Variants in MIPEP observed in about 807,000 individuals in gnomAD.
The protein encoded by MIPEP is mitochondrial intermediate peptidase.
Under a neutral mutation model 90.3 loss-of-function variants are expected in MIPEP, and 79 were observed. The observed-to-expected ratio is 0.87, with a 90% confidence interval of 0.73 to 1.05. The LOEUF is 1.05. MIPEP is among the 50% of genes least tolerant of loss of function. The probability of loss-of-function intolerance (pLI) is 0.00; values close to 1 mark genes in which losing one functional copy is unlikely to be tolerated. For synonymous variants in MIPEP, 334 were observed against 315.8 expected, an observed-to-expected ratio of 1.06 and a Z score of -0.61; for missense variants, 940 against 905.6, an observed-to-expected ratio of 1.04 and a Z score of -0.49.
At chr13:23,795,015 C>T (rs998331605) in intron 16 of MIPEP, among the ~76,000 whole-genome samples, 33 of 152,070 alleles carry the variant, frequency 2.2e-4, no homozygotes, top group African/African-American at 7.7e-4. Context: ...TAGATATGCA[C>T]CATATGGTCT....
At chr13:23,736,535 ATTCTG>A (rs1356802200) in intron 18 of MIPEP, among the ~76,000 whole-genome samples, 1 of 152,196 alleles carries the variant, frequency 6.6e-6, no homozygotes, top group African/African-American at 2.4e-5. Context: ...TAGGGTAATT[ATTCTG>A]GCCTGACTAA....
At chr13:23,874,958 AC>A in intron 4 of MIPEP, 49 bp from the exon 5 acceptor site, 1 of 1,530,354 alleles carries the variant, frequency 6.5e-7, no homozygotes. Context: ...AAAATTGCTA[AC>A]AAAAAAATTG....
intron 14 of MIPEP, among the ~76,000 whole-genome samples, chr13:23,828,994 C>T (rs1340891906): frequency 6.6e-6 from 1 of 152,156 alleles, no homozygotes; most frequent in Non-Finnish European, 1.5e-5. Context: ...GATATTAGGA[C>T]AGACAGCTTA....
chr13:23,835,024 CTTT>C (rs57093490), intron 14 of MIPEP, among the ~76,000 whole-genome samples: 2 of 134,802 alleles, frequency 1.5e-5, no homozygotes, highest in Non-Finnish European at 3.1e-5. Context: ...ATCCATTATT[CTTT>C]TTTTTTTTTT....
intron 16 of MIPEP, among the ~76,000 whole-genome samples, chr13:23,778,622 C>T (rs1207789517): frequency 6.6e-6 from 1 of 152,090 alleles, no homozygotes; most frequent in African/African-American, 2.4e-5. Context: ...CTATGTGCAA[C>T]TGATTTTATT....
chr13:23,835,222 T>C (rs564602878), intron 14 of MIPEP, among the ~76,000 whole-genome samples: 50 of 152,098 alleles, frequency 3.3e-4, no homozygotes, highest in Middle Eastern at 3.4e-3. Context: ...GGTTTCACAA[T>C]GTAGCCCAGG....
intron 18 of MIPEP, among the ~76,000 whole-genome samples, chr13:23,739,305 G>GC (rs1456962634): frequency 6.6e-6 from 1 of 152,234 alleles, no homozygotes; most frequent in African/African-American, 2.4e-5. Context: ...ACTTGCTCAA[G>GC]AAGTCTCCCA....
chr13:23,881,729 G>A lies in MIPEP; in HGVS notation c.422C>T (p.Ala141Val), dbSNP rs764333751. The A allele has an allele frequency of 5.0e-6, 8 of 1,614,050 alleles. No individual in the cohort carries two copies. Among genetic ancestry groups the A allele is most frequent in the South Asian group, 2.2e-5 (2 of 91,024 alleles). ...TACCATGGTGCCAATACTTCTACAA[G>A]CTTCTTCCGCAGCTTCTCTGAATGC... ...EPAFREAAEE[A>V]CRSIGTMVEK... The change falls in exon 3 of 19, where the codon GCT becomes GTT. Residue 141 changes from alanine to valine, a missense_variant. Coordinates refer to ENST00000382172, the MANE Select transcript of MIPEP (RefSeq NM_005932.4).
intron 9 of MIPEP, among the ~76,000 whole-genome samples, chr13:23,859,558 A>T (rs1391781523): frequency 6.6e-6 from 1 of 152,192 alleles, no homozygotes; most frequent in African/African-American, 2.4e-5. Flanking sequence ...CTGTGAAGAC[A>T]GACTGCCTGG....
chr13:23,772,293 C>T lies in MIPEP; in HGVS notation c.1849-12076G>A, dbSNP rs985920757. On this transcript the variant is annotated intron_variant, in intron 16 of 18. Coordinates refer to ENST00000382172, the MANE Select transcript of MIPEP (RefSeq NM_005932.4). ...TGAAGAATTTCCAAAATTCCTGATG[C>T]AAGAGTTTTTAGCAATTTTTTTTTA... 2.8e-5 allele frequency among the ~76,000 whole-genome samples: 4 copies of T among 142,272 alleles called. No homozygotes were observed. The Admixed American group carries it at 3.1e-4, about 11-fold the overall frequency. 93.3% of individuals were successfully genotyped at this position (142,272 alleles called of 152,430 possible). A position where few individuals can be genotyped will look rare whatever the true frequency, so the allele number is the denominator to read the frequency against.
chr13:23,785,504 T>C (rs963586655), intron 16 of MIPEP, among the ~76,000 whole-genome samples: 3 of 150,860 alleles, frequency 2.0e-5, no homozygotes, highest in Non-Finnish European at 4.4e-5. Context: ...AGGGAAAGCA[T>C]TAGGAGATAT....
At chr13:23,827,857 G>T (rs912476561) in intron 14 of MIPEP, among the ~76,000 whole-genome samples, 5 of 152,162 alleles carry the variant, frequency 3.3e-5, no homozygotes, top group African/African-American at 4.8e-5. Flanking sequence ...CTTGAACCCA[G>T]GAGGTGGAAG....
chr13:23,763,548 T>C (rs1593139925), intron 16 of MIPEP, among the ~76,000 whole-genome samples: 2 of 152,280 alleles, frequency 1.3e-5, no homozygotes, highest in African/African-American at 4.8e-5. Context: ...CCCACTTCAA[T>C]AGTGGCATTT....
intron 14 of MIPEP, among the ~76,000 whole-genome samples, chr13:23,835,139 G>A (rs142655682): frequency 0.022 from 3,257 of 150,804 alleles, 128 homozygotes; most frequent in African/African-American, 0.076. Context: ...TCCTGCCTCA[G>A]CCTCCTGAGT....
At chr13:23,845,040 T>C (rs1869471585) in intron 10 of MIPEP, among the ~76,000 whole-genome samples, 1 of 152,198 alleles carries the variant, frequency 6.6e-6, no homozygotes, top group African/African-American at 2.4e-5. Flanking sequence ...GCATTTCCTA[T>C]GCACACTCTT....
At chr13:23,852,904 T>C (rs1009218724) in intron 10 of MIPEP, among the ~76,000 whole-genome samples, 1 of 152,106 alleles carries the variant, frequency 6.6e-6, no homozygotes, top group Non-Finnish European at 1.5e-5. Context: ...GTGTAAGCCT[T>C]GGCTAATGTG....
At position 23,879,367 on chromosome 13, in the gene MIPEP, G is replaced by T. The variant is rs771242899; in HGVS notation, c.453-13C>A. The T allele has an allele frequency of 3.1e-5, 43 of 1,389,282 alleles. No homozygotes were observed. The highest frequency in any genetic ancestry group is 4.1e-5 in the Non-Finnish European group (41 of 988,582). The allele number at this position is 1,389,282 out of a possible 1,614,324, so 86.1% of individuals were successfully genotyped here. The stretch of plus-strand genomic sequence containing the variant: ...ATTTGTGTTCAACCTAGAAAAAATA[G>T]AAATTTAAAAAATTAGATGATTTTC... On this transcript the variant is annotated splice_polypyrimidine_tract_variant and intron_variant, in intron 3 of 18. Transcript: ENST00000382172.
chr13:23,874,809 A>G (rs780169517), intron 5 of MIPEP, 37 bp downstream of exon 5: 5 of 1,533,118 alleles, frequency 3.3e-6, no homozygotes, highest in Non-Finnish European at 4.4e-6. Flanking sequence ...AATGTTAGTA[A>G]AACTGGAAGA....
chr13:23,731,050 G>A (rs1048748930), intron 18 of MIPEP, among the ~76,000 whole-genome samples: 2 of 152,200 alleles, frequency 1.3e-5, no homozygotes, highest in East Asian at 3.8e-4. Flanking sequence ...TAGAAGCAAT[G>A]AAGCACCATG....
Sources: gnomAD v4.1 joint callset for allele counts (sites outside exome capture counted in the v4.1 genomes callset) on GRCh38, gnomAD v4.1.1 for gene constraint, MANE v1.5 for transcripts, NCBI Gene and HGNC (gene_info 2026-07-23, HGNC 2026-07-21) for gene names.